Variants in SGCZ observed in about 807,000 individuals in gnomAD.
The protein encoded by SGCZ is sarcoglycan zeta.
In SGCZ, 40 loss-of-function variants were observed where a neutral mutation model predicts 41.3. That is an observed-to-expected ratio of 0.97 (90% CI 0.75 to 1.26). SGCZ has a LOEUF of 1.26. SGCZ is among the 50% of genes most tolerant of loss of function. The pLI, the probability that SGCZ is intolerant of heterozygous loss-of-function variation, is 0.00. For synonymous variants in SGCZ, 206 were observed against 137.5 expected, an observed-to-expected ratio of 1.50 and a Z score of -3.49; for missense variants, 552 against 369.8, an observed-to-expected ratio of 1.49 and a Z score of -4.04.
At chr8:14,852,793 G>A (rs910212369) in intron 1 of SGCZ, among the ~76,000 whole-genome samples, 15 of 152,178 alleles carry the variant, frequency 9.9e-5, no homozygotes, top group African/African-American at 3.6e-4. Flanking sequence ...CCTCCCATCT[G>A]TAGTGTTTCA....
intron 1 of SGCZ, among the ~76,000 whole-genome samples, chr8:14,799,623 G>T (rs1379691805): frequency 6.6e-6 from 1 of 152,086 alleles, no homozygotes; most frequent in African/African-American, 2.4e-5. Context: ...GAAGTGAATT[G>T]CAAGTCCACA....
intron 1 of SGCZ, among the ~76,000 whole-genome samples, chr8:15,055,545 A>T (rs1031479319): frequency 3.9e-5 from 6 of 152,196 alleles, no homozygotes; most frequent in Non-Finnish European, 7.3e-5. Context: ...ACTGGTTTAC[A>T]TGGAAGCACG....
chr8:14,773,396 A>T (rs998205189), intron 1 of SGCZ, among the ~76,000 whole-genome samples: 6 of 152,164 alleles, frequency 3.9e-5, no homozygotes, highest in African/African-American at 1.4e-4. Context: ...AAACAAACAA[A>T]AGAAAACAAG....
chr8:14,187,602 A>C (rs539684325), intron 4 of SGCZ, among the ~76,000 whole-genome samples: 9 of 152,258 alleles, frequency 5.9e-5, no homozygotes, highest in African/African-American at 2.2e-4. Flanking sequence ...GTTCCACAGT[A>C]GATTTAAACT....
intron 1 of SGCZ, among the ~76,000 whole-genome samples, chr8:15,017,356 C>T (rs1219217090): frequency 6.6e-6 from 1 of 152,182 alleles, no homozygotes; most frequent in African/African-American, 2.4e-5. Context: ...CCATTCACTG[C>T]ACACGTACAG....
At chr8:14,347,987 T>C (rs1802949722) in intron 2 of SGCZ, among the ~76,000 whole-genome samples, 2 of 152,080 alleles carry the variant, frequency 1.3e-5, no homozygotes, top group African/African-American at 4.8e-5. Flanking sequence ...CCACCAGACA[T>C]TCCCTTGCAT....
chr8:14,723,684 G>C (rs754453992), intron 1 of SGCZ, among the ~76,000 whole-genome samples: 1 of 150,296 alleles, frequency 6.7e-6, no homozygotes, highest in Non-Finnish European at 1.5e-5. Flanking sequence ...ATATATATAT[G>C]TCTGTGTCTA....
intron 1 of SGCZ, among the ~76,000 whole-genome samples, chr8:14,665,498 T>A (rs1807881855): frequency 6.6e-6 from 1 of 152,220 alleles, no homozygotes; most frequent in Admixed American, 6.5e-5. Context: ...TATAGCAGCA[T>A]GTTTTATAAT....
At chr8:14,428,113 C>T (rs1273107558) in intron 2 of SGCZ, among the ~76,000 whole-genome samples, 5 of 10,956 alleles carry the variant, frequency 4.6e-4, no homozygotes, top group Non-Finnish European at 4.7e-4. Context: ...CACACACACA[C>T]ACACACACAC....
chr8:14,164,521 G>A (rs891104999), intron 5 of SGCZ, 59 bp downstream of exon 5: 10 of 1,595,334 alleles, frequency 6.3e-6, no homozygotes, highest in Non-Finnish European at 8.6e-6. Context: ...GAAGCTCCTT[G>A]TGCAGTTGTA....
intron 1 of SGCZ, among the ~76,000 whole-genome samples, chr8:14,708,263 G>A (rs139897378): frequency 5.7e-4 from 87 of 151,934 alleles, no homozygotes; most frequent in Middle Eastern, 3.4e-3. Context: ...ATTTCTTCAC[G>A]TTAGGTATGC....
intron 1 of SGCZ, among the ~76,000 whole-genome samples, chr8:14,770,842 C>T (rs914514478): frequency 1.6e-4 from 24 of 151,930 alleles, no homozygotes; most frequent in South Asian, 1.5e-3. Context: ...AAGTACATGC[C>T]TGATGTATCC....
chr8:15,212,394 T>A (rs188191220), intron 1 of SGCZ, among the ~76,000 whole-genome samples: 46 of 152,234 alleles, frequency 3.0e-4, no homozygotes, highest in Admixed American at 7.8e-4. Flanking sequence ...CAACATTTTT[T>A]AAAAAATCCT....
intron 1 of SGCZ, among the ~76,000 whole-genome samples, chr8:14,820,607 T>C (rs1802046144): frequency 6.6e-6 from 1 of 152,060 alleles, no homozygotes; most frequent in South Asian, 2.1e-4. Context: ...AAACGAGTGT[T>C]AACAAATTTT....
intron 2 of SGCZ, among the ~76,000 whole-genome samples, chr8:14,535,985 A>T (rs1428842853): frequency 6.6e-6 from 1 of 151,904 alleles, no homozygotes; most frequent in Admixed American, 6.6e-5. Context: ...TAATAAAATG[A>T]TTAATCAATA....
intron 2 of SGCZ, among the ~76,000 whole-genome samples, chr8:14,445,108 T>C (rs1028863923): frequency 2.0e-5 from 3 of 152,160 alleles, no homozygotes; most frequent in Non-Finnish European, 1.5e-5. Flanking sequence ...CAGAGAAATA[T>C]CTTGATCCAA....
chr8:14,512,674 C>T (rs1211131647), intron 2 of SGCZ, among the ~76,000 whole-genome samples: 2 of 151,916 alleles, frequency 1.3e-5, no homozygotes, highest in South Asian at 2.1e-4. Context: ...TTATGTTGCC[C>T]AGGCTGGTTT....
At position 15,081,772 on chromosome 8, in the gene SGCZ, C is replaced by T. The variant is rs1805756350; in HGVS notation, c.39+155813G>A. On this transcript the variant is annotated intron_variant, in intron 1 of 7. Coordinates refer to ENST00000382080, the MANE Select transcript of SGCZ (RefSeq NM_139167.4). Reference sequence around the variant, plus strand: ...GGAGCTTAGAATGTGAGAGAAAAGGCAAGTAACTGGATTTATCCAGGGTTA... The same window carrying T: ...GGAGCTTAGAATGTGAGAGAAAAGGTAAGTAACTGGATTTATCCAGGGTTA... Among the ~76,000 whole-genome samples the T allele has an allele frequency of 5.3e-5, 8 of 152,036 alleles. 1 individual carries two copies. The highest frequency in any genetic ancestry group is 5.2e-4 in the Admixed American group (8 of 15,258).
intron 2 of SGCZ, among the ~76,000 whole-genome samples, chr8:14,334,489 A>G (rs758176692): frequency 2.9e-4 from 44 of 152,244 alleles, no homozygotes; most frequent in Non-Finnish European, 4.7e-4. Flanking sequence ...ACAGGTATAG[A>G]ACATGTTACA....
Sources: gnomAD v4.1 joint callset for allele counts (sites outside exome capture counted in the v4.1 genomes callset) on GRCh38, gnomAD v4.1.1 for gene constraint, MANE v1.5 for transcripts, NCBI Gene and HGNC (gene_info 2026-07-23, HGNC 2026-07-21) for gene names.